Variants in SGCD observed in about 807,000 individuals in gnomAD.
SGCD encodes delta-sarcoglycan.
Under a neutral mutation model 36.6 loss-of-function variants are expected in SGCD, and 18 were observed. The observed-to-expected ratio is 0.49, with a 90% CI of 0.34 to 0.73. The LOEUF is 0.73. Ranked by LOEUF, SGCD falls within the 30% of genes least tolerant of loss-of-function variation. SGCD has a pLI of 0.01. For synonymous variants in SGCD, 133 were observed against 130.6 expected, an observed-to-expected ratio of 1.02 and a Z score of -0.12; for missense variants, 387 against 346.7, an observed-to-expected ratio of 1.12 and a Z score of -0.92.
At chr5:156,013,857 C>G (rs1758911422) in intron 1 of SGCD, among the ~76,000 whole-genome samples, 1 of 151,940 alleles carries the variant, frequency 6.6e-6, no homozygotes, top group Non-Finnish European at 1.5e-5. Context: ...TTTTAAGAGA[C>G]ACTCCTAATT....
intron 3 of SGCD, among the ~76,000 whole-genome samples, chr5:156,432,743 T>G (rs1753077270): frequency 6.6e-6 from 1 of 152,084 alleles, no homozygotes; most frequent in African/African-American, 2.4e-5. Context: ...AGGGGAGTAG[T>G]GAGTAGCAGG....
intron 1 of SGCD, among the ~76,000 whole-genome samples, chr5:156,003,069 C>T (rs1758694505): frequency 6.6e-6 from 1 of 152,180 alleles, no homozygotes; most frequent in Non-Finnish European, 1.5e-5. Context: ...GTTAATGAAG[C>T]CATCCCAAAT....
chr5:156,278,046 C>A (rs140472154), intron 3 of SGCD, among the ~76,000 whole-genome samples: 5 of 151,988 alleles, frequency 3.3e-5, no homozygotes, highest in East Asian at 3.9e-4. Context: ...CATCAGATTG[C>A]GTTGTAAGGA....
At chr5:156,174,273 T>C (rs1050622621) in intron 3 of SGCD, among the ~76,000 whole-genome samples, 3 of 152,190 alleles carry the variant, frequency 2.0e-5, no homozygotes, top group Non-Finnish European at 4.4e-5. Flanking sequence ...TTACTTTAGA[T>C]AACAGGTTGC....
Position 156,230,873 on chromosome 5 carries a change from C to T in SGCD, c.-43-98661C>T, listed in dbSNP as rs543423672. On this transcript the variant is annotated intron_variant, in intron 3 of 9. Coordinates refer to the SGCD transcript ENST00000517913. The stretch of plus-strand genomic sequence containing the variant: ...GGTCAGATAAATAAATTCTAAAAAA[C>T]GCTAGTATATTTACTGATCATCACC... Among the ~76,000 whole-genome samples the T allele has an allele frequency of 5.9e-5, 9 of 152,170 alleles. No individual in the cohort carries two copies. The South Asian group carries it at 8.3e-4, about 14-fold the overall frequency.
At chr5:156,608,107 G>A (rs1761575775) in intron 6 of SGCD, among the ~76,000 whole-genome samples, 1 of 152,118 alleles carries the variant, frequency 6.6e-6, no homozygotes, top group Admixed American at 6.5e-5. Context: ...GTTTGCTCTT[G>A]CTTCTCTGGT....
chr5:155,980,238 A>AGACAGAGTGTCTGTGACCATGACAAGGT (rs1324991052), intron 1 of SGCD, among the ~76,000 whole-genome samples: 2 of 152,130 alleles, frequency 1.3e-5, no homozygotes, highest in Non-Finnish European at 1.5e-5. Flanking sequence ...ACACTGACTA[A>AGACAGAGTGTCTGTGACCATGACAAGGT]GACAGAGTGT....
At chr5:156,328,503 C>T (rs1767917056) in intron 1 of SGCD, among the ~76,000 whole-genome samples, 1 of 152,128 alleles carries the variant, frequency 6.6e-6, no homozygotes, top group African/African-American at 2.4e-5. Context: ...AAACAAGTAG[C>T]TAATAGAAGA....
At chr5:156,212,475 C>T (rs1764469934) in intron 3 of SGCD, among the ~76,000 whole-genome samples, 1 of 152,114 alleles carries the variant, frequency 6.6e-6, no homozygotes, top group Admixed American at 6.5e-5. Context: ...GTGCACCCAA[C>T]ATTGGAGCAT....
chr5:155,736,499 G>A, the SGCD span, among the ~76,000 whole-genome samples: 1 of 152,012 alleles, frequency 6.6e-6, no homozygotes, highest in African/African-American at 2.4e-5. Context: ...TATCTCATAG[G>A]TTTCTTAAAA....
At chr5:155,756,356 T>A in the SGCD span, among the ~76,000 whole-genome samples, 1 of 152,252 alleles carries the variant, frequency 6.6e-6, no homozygotes, top group Non-Finnish European at 1.5e-5. Flanking sequence ...GTTTAAGCTG[T>A]TTCTTTTCTA....
intron 7 of SGCD, among the ~76,000 whole-genome samples, chr5:156,686,818 A>G (rs978303864): frequency 6.6e-6 from 1 of 152,182 alleles, no homozygotes; most frequent in Admixed American, 6.6e-5. Context: ...CAAAGCTACA[A>G]GAGAATTTGA....
chr5:156,098,755 C>T (rs1369322509), intron 1 of SGCD, among the ~76,000 whole-genome samples: 1 of 152,110 alleles, frequency 6.6e-6, no homozygotes, highest in Non-Finnish European at 1.5e-5. Context: ...CTATGCTCAA[C>T]TTGTTTTAAC....
chr5:156,283,920 A>G (rs1224962298), intron 3 of SGCD, among the ~76,000 whole-genome samples: 1 of 152,184 alleles, frequency 6.6e-6, no homozygotes, highest in East Asian at 1.9e-4. Context: ...CAGTTCTTTC[A>G]TTTAGGGAAT....
chr5:155,779,884 AT>A, the SGCD span, among the ~76,000 whole-genome samples: 1 of 152,010 alleles, frequency 6.6e-6, no homozygotes, highest in African/African-American at 2.4e-5. Context: ...TTAAATTTGT[AT>A]TTTTTTATTA....
At chr5:156,425,729 G>A (rs534387533) in intron 3 of SGCD, among the ~76,000 whole-genome samples, 2 of 151,884 alleles carry the variant, frequency 1.3e-5, no homozygotes, top group African/African-American at 2.4e-5. Flanking sequence ...GCTTCCCCCC[G>A]AGTCCCTAAA....
chr5:155,818,980 A>C, the SGCD span, among the ~76,000 whole-genome samples: 2 of 152,130 alleles, frequency 1.3e-5, no homozygotes, highest in African/African-American at 4.8e-5. Flanking sequence ...GTTTGTGTCC[A>C]TGAGAAAGAG....
At chr5:156,437,187 T>G (rs1285505120) in intron 3 of SGCD, among the ~76,000 whole-genome samples, 1 of 152,184 alleles carries the variant, frequency 6.6e-6, no homozygotes, top group Non-Finnish European at 1.5e-5. Context: ...TTTTAAAGTA[T>G]TATTTTAATT....
chr5:156,327,541 T>C (rs1449151107), intron 1 of SGCD, among the ~76,000 whole-genome samples: 1 of 152,244 alleles, frequency 6.6e-6, no homozygotes, highest in Admixed American at 6.5e-5. Context: ...ATCTGTAACT[T>C]TTCCTTTCTG....
Sources: gnomAD v4.1 joint callset for allele counts (sites outside exome capture counted in the v4.1 genomes callset) on GRCh38, gnomAD v4.1.1 for gene constraint, MANE v1.5 for transcripts, NCBI Gene and HGNC (gene_info 2026-07-23, HGNC 2026-07-21) for gene names.